Variants in TMEM132D observed in about 807,000 individuals in gnomAD.
TMEM132D encodes the protein mature OL transmembrane protein.
TMEM132D carries 21 observed loss-of-function variants against 62.3 expected under a neutral mutation model. The observed-to-expected ratio is 0.34, with a 90% CI of 0.24 to 0.49. The LOEUF is 0.49. Ranked by LOEUF, TMEM132D falls within the 20% of genes least tolerant of loss-of-function variation. The probability of loss-of-function intolerance (pLI) is 0.99; values close to 1 mark genes in which losing one functional copy is unlikely to be tolerated. For synonymous variants in TMEM132D, 621 were observed against 575.6 expected, an observed-to-expected ratio of 1.08 and a Z score of -1.13; for missense variants, 1,346 against 1,402.8, an observed-to-expected ratio of 0.96 and a Z score of 0.65.
At chr12:129,761,059 T>C (rs1404405235) in intron 1 of TMEM132D, among the ~76,000 whole-genome samples, 8 of 146,698 alleles carry the variant, frequency 5.5e-5, no homozygotes, top group Admixed American at 5.4e-4. Context: ...ACAGGCGGGG[T>C]TTTCATTCAG....
intron 4 of TMEM132D, chr12:129,212,121 C>G (rs1176371668): frequency 6.6e-6 from 1 of 152,148 alleles, no homozygotes; most frequent in East Asian, 1.9e-4. Context: ...TTCTCACATT[C>G]GTGGTAAAAA....
chr12:129,422,095 T>TAAAA (rs10633587), intron 3 of TMEM132D, among the ~76,000 whole-genome samples: 42,537 of 138,952 alleles, frequency 0.31, 6,788 homozygotes, highest in Non-Finnish European at 0.34. Context: ...ACAGCAATGT[T>TAAAA]AAAAAAAAAA....
intron 1 of TMEM132D, among the ~76,000 whole-genome samples, chr12:129,842,299 A>C (rs1164773407): frequency 1.3e-5 from 2 of 151,580 alleles, no homozygotes; most frequent in Non-Finnish European, 2.9e-5. Flanking sequence ...GCAACATCTC[A>C]TTTTCCCAAA....
At chr12:129,422,457 T>C (rs1180045934) in intron 3 of TMEM132D, among the ~76,000 whole-genome samples, 3 of 152,210 alleles carry the variant, frequency 2.0e-5, no homozygotes, top group African/African-American at 7.2e-5. Context: ...GAATGCTCTT[T>C]CTCATCAGTG....
chr12:129,798,983 C>T (rs560989546), intron 1 of TMEM132D, among the ~76,000 whole-genome samples: 3 of 152,268 alleles, frequency 2.0e-5, no homozygotes, highest in East Asian at 1.9e-4. Flanking sequence ...ATATGGATGT[C>T]GGCCGGACGC....
At chr12:129,379,956 C>T (rs1870891486) in intron 3 of TMEM132D, among the ~76,000 whole-genome samples, 1 of 152,078 alleles carries the variant, frequency 6.6e-6, no homozygotes, top group Non-Finnish European at 1.5e-5. Context: ...ATTAACTTTG[C>T]TTTTTATTTT....
At chr12:129,801,630 C>T (rs1186685231) in intron 1 of TMEM132D, among the ~76,000 whole-genome samples, 1 of 151,580 alleles carries the variant, frequency 6.6e-6, no homozygotes, top group Non-Finnish European at 1.5e-5. Flanking sequence ...AAGCAGAGCA[C>T]CTCTCCTCCT....
chr12:129,539,637 C>T (rs933359330), intron 2 of TMEM132D, among the ~76,000 whole-genome samples: 1 of 151,080 alleles, frequency 6.6e-6, no homozygotes, highest in Non-Finnish European at 1.5e-5. Flanking sequence ...ATTTCAAACT[C>T]CTGGGCTCAA....
intron 3 of TMEM132D, among the ~76,000 whole-genome samples, chr12:129,437,424 CACA>C (rs1566068379): frequency 6.6e-6 from 1 of 152,162 alleles, no homozygotes; most frequent in African/African-American, 2.4e-5. Flanking sequence ...CCTATTTAAG[CACA>C]ATGCCTAAAT....
At chr12:129,467,983 C>G (rs1366883946) in intron 3 of TMEM132D, among the ~76,000 whole-genome samples, 1 of 152,104 alleles carries the variant, frequency 6.6e-6, no homozygotes, top group Non-Finnish European at 1.5e-5. Context: ...TAACAGATAA[C>G]GAAGCTCTCA....
rs1220855662 is a variant in TMEM132D at position 129,075,010 on chromosome 12, G to A, written c.2165C>T (p.Pro722Leu). The A allele has an allele frequency of 1.2e-6, 2 of 1,613,124 alleles. No homozygotes were observed. The highest frequency in any genetic ancestry group is 1.3e-5 in the African/African-American group (1 of 74,798). ...GTCTTTCCCATCGTAAATATCCAAG[G>A]GCGTGACTGAGCCATCACTGAACTG... ...WVQFSDGSVT[P>L]LDIYDGKDFS... Residue 722 changes from proline to leucine, a missense_variant, in exon 9 of 9, where the codon CCC becomes CTC. Transcript: ENST00000422113.
chr12:129,317,155 C>T (rs1207385282), intron 4 of TMEM132D, among the ~76,000 whole-genome samples: 1 of 152,178 alleles, frequency 6.6e-6, no homozygotes, highest in Non-Finnish European at 1.5e-5. Context: ...GGTACCCTCG[C>T]ATTCATCATG....
chr12:129,074,148 T>C lies in TMEM132D; in HGVS notation c.3027A>G (p.Gln1009=), dbSNP rs780121743. 6.2e-7 allele frequency: 1 copy of C among 1,614,138 alleles called. No homozygotes were observed. The change falls in exon 9 of 9, where the codon CAA becomes CAG. Residue 1009 remains glutamine (Q), a synonymous_variant. Coordinates refer to ENST00000422113, the MANE Select transcript of TMEM132D (RefSeq NM_133448.3). The part of the protein sequence containing the change: ...ESKYLLSTNS[Q]KSINGQLFKP... ...TGAACAGCTGCCCATTGATGCTTTT[T>C]TGGGAGTTTGTGCTGAGGAGATATT... is the stretch of plus-strand genomic sequence containing the variant.
At chr12:129,819,905 C>T (rs2137324134) in intron 1 of TMEM132D, among the ~76,000 whole-genome samples, 1 of 152,248 alleles carries the variant, frequency 6.6e-6, no homozygotes, top group East Asian at 1.9e-4. Flanking sequence ...GACGCAGTGT[C>T]CTGGAGCTGA....
chr12:129,430,884 G>A (rs1448282843), intron 3 of TMEM132D, among the ~76,000 whole-genome samples: 1 of 151,968 alleles, frequency 6.6e-6, no homozygotes, highest in Non-Finnish European at 1.5e-5. Context: ...GAGCTCAGGA[G>A]AGTGGGGGGA....
chr12:129,617,983 G>T (rs1299213644), intron 2 of TMEM132D, among the ~76,000 whole-genome samples: 1 of 152,140 alleles, frequency 6.6e-6, no homozygotes, highest in Non-Finnish European at 1.5e-5. Flanking sequence ...TAGCTCTGTG[G>T]CCTCGACATC....
intron 2 of TMEM132D, among the ~76,000 whole-genome samples, chr12:129,596,718 C>T (rs182224510): frequency 5.3e-5 from 8 of 151,894 alleles, no homozygotes; most frequent in African/African-American, 1.7e-4. Flanking sequence ...TCTATTTCCC[C>T]ACTCACTGCT....
At chr12:129,540,034 T>G (rs943056427) in intron 2 of TMEM132D, among the ~76,000 whole-genome samples, 3 of 150,218 alleles carry the variant, frequency 2.0e-5, no homozygotes, top group African/African-American at 4.9e-5. Flanking sequence ...AATCCACCTA[T>G]TTCACTCCAT....
Position 129,318,188 on chromosome 12 carries a change from G to A in TMEM132D, c.1299+19446C>T, listed in dbSNP as rs558163080. On this transcript the variant is annotated intron_variant, in intron 4 of 8. Transcript: ENST00000422113. ...GTTTGGATCCATTGCTGGTGAACTAGCATGATTTTCGAAGGGGTATTGAAG... is the reference window on the plus strand; with the variant it reads ...GTTTGGATCCATTGCTGGTGAACTAACATGATTTTCGAAGGGGTATTGAAG... 5.3e-5 allele frequency among the ~76,000 whole-genome samples: 8 copies of A among 152,204 alleles called. No homozygotes were observed. In the South Asian group the frequency reaches 6.2e-4, roughly 12 times the overall value.
Sources: gnomAD v4.1 joint callset for allele counts (sites outside exome capture counted in the v4.1 genomes callset) on GRCh38, gnomAD v4.1.1 for gene constraint, MANE v1.5 for transcripts, NCBI Gene and HGNC (gene_info 2026-07-23, HGNC 2026-07-21) for gene names.